Variants in ATP2B3 observed in about 807,000 individuals in gnomAD.
ATP2B3 encodes plasma membrane calcium-transporting ATPase 3.
ATP2B3 carries 12 observed loss-of-function variants against 70.8 expected under a neutral mutation model. The observed-to-expected ratio is 0.17, with a 90% confidence interval of 0.11 to 0.27. The LOEUF (loss-of-function observed/expected upper bound fraction) is 0.27. ATP2B3 is among the 10% of genes least tolerant of loss of function. The pLI is 1.00. For missense variants in ATP2B3, 858 were observed against 1,118.5 expected, an observed-to-expected ratio of 0.77 and a Z score of 3.32; for synonymous variants, 460 against 497.8, an observed-to-expected ratio of 0.92 and a Z score of 1.01.
chrX:153,558,861 T>A (rs552004484), intron 17 of ATP2B3, among the ~76,000 whole-genome samples: 2 of 111,658 alleles, frequency 1.8e-5, no homozygotes, highest in South Asian at 7.5e-4. Context: ...CTCTTGTGAA[T>A]GGTGCTGCCA....
In ATP2B3 at chrX:153,536,188, C is replaced by T; in HGVS notation, c.-60C>T. On this transcript the variant is annotated 5_prime_UTR_variant, in exon 3 of 22. Transcript: ENST00000263519. ...CCTGGGCACTGGGACCGTGGGTGGCCGCCTGTCCCTAGCTGTGGCTGAGCC... is the reference window on the plus strand; with the variant it reads ...CCTGGGCACTGGGACCGTGGGTGGCTGCCTGTCCCTAGCTGTGGCTGAGCC... The T allele has an allele frequency of 3.5e-6, 4 of 1,152,704 alleles. No individual in the cohort carries two copies. Among genetic ancestry groups the T allele is most frequent in the Admixed American group, 2.6e-5 (1 of 38,951 alleles). The allele number at this position is 1,152,704 out of a possible 1,213,427, so 95.0% of individuals were successfully genotyped here. A position where few individuals can be genotyped will look rare whatever the true frequency, so the allele number is the denominator to read the frequency against.
chrX:153,527,388 G>C (rs57029854), intron 2 of ATP2B3, among the ~76,000 whole-genome samples: 4,502 of 113,301 alleles, frequency 0.04, 84 homozygotes, highest in Non-Finnish European at 0.047. Context: ...GGGCAGGCCC[G>C]GGCTGGCAGG....
rs2090284514 is a variant in ATP2B3 at position 153,541,693 on chromosome X, CAGA to C, written c.435_437del (p.Glu145del). 8.3e-7 allele frequency: 1 copy of C among 1,209,489 alleles called. No individual in the cohort carries two copies. The highest frequency in any genetic ancestry group is 1.8e-5 in the African/African-American group (1 of 57,105). On this transcript the variant is annotated inframe_deletion, in exon 5 of 22. Coordinates refer to ENST00000263519, the MANE Select transcript of ATP2B3 (RefSeq NM_001001344.3). ...GCCTGTGGGAATGTGTCGGGAGGCGCAGAAGATGAGGGCGAGGCCGAAGCTGGC... is the reference window on the plus strand; with the variant it reads ...GCCTGTGGGAATGTGTCGGGAGGCGCAGATGAGGGCGAGGCCGAAGCTGGC...
At position 153,564,939 on chromosome X, in the gene ATP2B3, A is replaced by G; in HGVS notation, c.3178A>G (p.Thr1060Ala). 1 of 1,192,895 alleles carries G rather than the reference A, an allele frequency of 8.4e-7. No homozygotes were observed. Among genetic ancestry groups the G allele is most frequent in the Non-Finnish European group, 1.1e-6 (1 of 885,390 alleles). ...VWGQVIATIP[T>A]SQLKCLKEAG... The stretch of plus-strand genomic sequence containing the variant: ...CCCCCAGGTCATTGCCACCATCCCC[A>G]CCAGCCAGCTCAAGTGCCTGAAGGA... The change falls in exon 21 of 22, where the codon ACC (threonine) becomes GCC (alanine). Residue 1060 changes from threonine to alanine, a missense_variant. Physicochemically the swap from Thr to Ala is moderately conservative, Grantham distance 58 (BLOSUM62 0). Transcript: ENST00000263519.
intron 1 of ATP2B3, among the ~76,000 whole-genome samples, 77 bp from the exon 2 acceptor site, chrX:153,518,355 G>A: frequency 8.9e-6 from 1 of 112,334 alleles, no homozygotes; most frequent in Admixed American, 9.2e-5. Flanking sequence ...CTGCCCAGCA[G>A]ACCCCACCGC....
rs1256068080 is a variant in ATP2B3, at chrX:153,548,812, C to T, written c.1296C>T (p.Gly432=). The change falls in exon 10 of 22, where the codon GGC becomes GGT. Residue 432 remains glycine, a synonymous_variant. Coordinates refer to ENST00000263519, the MANE Select transcript of ATP2B3 (RefSeq NM_001001344.3). ...VTVLVVAVPE[G]LPLAVTISLA... ...TGCTGGTCGTGGCTGTCCCAGAGGG[C>T]CTGCCTCTTGCTGTCACCATCTCCT... 8.3e-7 allele frequency: 1 copy of T among 1,209,931 alleles called. No homozygotes were observed. Among genetic ancestry groups the T allele is most frequent in the African/African-American group, 1.8e-5 (1 of 57,140 alleles).
intron 2 of ATP2B3, among the ~76,000 whole-genome samples, chrX:153,533,496 G>T (rs2090146927): frequency 9.0e-6 from 1 of 110,925 alleles, no homozygotes; most frequent in Non-Finnish European, 1.9e-5. Flanking sequence ...TTGCTTGATG[G>T]GGATGGGAGA....
At chrX:153,550,309 C>T (rs1557011023) in intron 12 of ATP2B3, 23 bp downstream of exon 12, 1 of 1,208,212 alleles carries the variant, frequency 8.3e-7, no homozygotes, top group South Asian at 1.8e-5. Flanking sequence ...CAGGGAGGTG[C>T]CGGGGTACGC....
At chrX:153,566,799 C>T (rs782512266) in intron 21 of ATP2B3, among the ~76,000 whole-genome samples, 1 of 111,738 alleles carries the variant, frequency 8.9e-6, no homozygotes, top group East Asian at 2.8e-4. Context: ...ACCTCCCCAA[C>T]TCCCGCTGCG....
At chrX:153,561,708 G>A (rs907666604) in intron 19 of ATP2B3, among the ~76,000 whole-genome samples, 10 of 112,623 alleles carry the variant, frequency 8.9e-5, no homozygotes, top group Non-Finnish European at 1.7e-4. Flanking sequence ...CCCGGAATGT[G>A]ACAGTCCAAC....
At chrX:153,571,034 A>ACACT (rs1286167923) in intron 21 of ATP2B3, among the ~76,000 whole-genome samples, 8 of 108,435 alleles carry the variant, frequency 7.4e-5, no homozygotes, top group African/African-American at 2.7e-4. Context: ...ACACACACAC[A>ACACT]CACACTCCTT....
intron 21 of ATP2B3, among the ~76,000 whole-genome samples, chrX:153,574,574 G>A (rs1557020801): frequency 8.9e-6 from 1 of 111,751 alleles, no homozygotes; most frequent in Admixed American, 9.5e-5. Flanking sequence ...AGAAGGAAGA[G>A]TGAGAAGGTG....
In ATP2B3 at chrX:153,582,395, T is replaced by A. The variant is rs1450604149; in HGVS notation, c.*2097T>A. On this transcript the variant is annotated 3_prime_UTR_variant, in exon 22 of 22. Coordinates refer to ENST00000263519, the MANE Select transcript of ATP2B3 (RefSeq NM_001001344.3). ...TAAGAAAAAGGGCAACTCCATTTGTTGAGGGTCTTTGTGTTCTTCAATGAG... is the reference window on the plus strand; with the variant it reads ...TAAGAAAAAGGGCAACTCCATTTGTAGAGGGTCTTTGTGTTCTTCAATGAG... The A allele has an allele frequency of 1.8e-5, 2 of 112,922 alleles. No individual in the cohort carries two copies. The highest frequency in any genetic ancestry group is 1.9e-4 in the Admixed American group (2 of 10,703). The allele number at this position is 112,922 out of a possible 1,213,427, so 9.3% of individuals were successfully genotyped here.
chrX:153,578,410 G>A (rs938112655), intron 21 of ATP2B3, among the ~76,000 whole-genome samples: 12 of 112,971 alleles, frequency 1.1e-4, no homozygotes, highest in Non-Finnish European at 2.1e-4. Flanking sequence ...TACCATTGGC[G>A]GCTGTGCTGA....
chrX:153,527,807 G>C (rs369232491), intron 2 of ATP2B3, among the ~76,000 whole-genome samples: 1 of 112,787 alleles, frequency 8.9e-6, no homozygotes, highest in Non-Finnish European at 1.9e-5. Flanking sequence ...GGTCCAGCTG[G>C]AGTCCAGCTG....
At chrX:153,543,021 A>G (rs1300406723) in intron 6 of ATP2B3, 22 bp from the exon 7 acceptor site, 3 of 1,204,252 alleles carry the variant, frequency 2.5e-6, no homozygotes, top group South Asian at 1.8e-5. Flanking sequence ...TTCCTGTCTC[A>G]GTCTCTGTGT....
chrX:153,533,026 C>T (rs1411487903), intron 2 of ATP2B3: 2 of 111,755 alleles, frequency 1.8e-5, no homozygotes, highest in Admixed American at 9.4e-5. Context: ...TGAGGGTTAG[C>T]AGAGCACCCC....
intron 13 of ATP2B3, 95 bp from the exon 14 acceptor site, chrX:153,555,954 G>T: frequency 9.6e-7 from 1 of 1,042,406 alleles, no homozygotes; most frequent in Non-Finnish European, 1.3e-6. Context: ...GCTGGACCTT[G>T]GGCCACCTGC....
At chrX:153,539,691 G>A (rs1489465713) in intron 3 of ATP2B3, among the ~76,000 whole-genome samples, 1 of 112,986 alleles carries the variant, frequency 8.9e-6, no homozygotes, top group South Asian at 3.6e-4. Context: ...GTCTGGTCAC[G>A]GCCGCGACAG....
Sources: allele counts gnomAD v4.1 joint callset (sites outside exome capture counted in the v4.1 genomes callset), GRCh38; gene constraint gnomAD v4.1.1; transcripts MANE v1.5; gene names NCBI Gene and HGNC (gene_info 2026-07-23, HGNC 2026-07-21).